The following PARG variants were observed in gnomAD, a reference collection of about 807,000 sequenced individuals.
PARG encodes the protein poly(ADP-ribose) glycohydrolase.
In PARG, 35 loss-of-function variants were observed where a neutral mutation model predicts 113.0. The observed-to-expected ratio is 0.31, with a 90% confidence interval of 0.24 to 0.41. The LOEUF is 0.41. Among genes scored for constraint, PARG ranks in the 10% least tolerant of loss-of-function variants. The pLI is 1.00. For synonymous variants in PARG, 330 were observed against 409.9 expected (o/e 0.81, Z 2.36); for missense variants, 797 against 1,169.4 (o/e 0.68, Z 4.64).
In PARG at chr10:49,941,779, C is replaced by T; in HGVS notation, c.-54G>A. ...GCCGGCCCGGGCGGAGAGCCTCATT[C>T]ACTAACCCTGAGAGAGATGGACTGC... On this transcript the variant is annotated 5_prime_UTR_variant, in exon 1 of 18. Coordinates refer to ENST00000616448, the MANE Select transcript of PARG (RefSeq NM_003631.5). 6.5e-7 allele frequency: 1 copy of T among 1,540,162 alleles called. No homozygotes were observed. The highest frequency in any genetic ancestry group is 8.7e-7 in the Non-Finnish European group (1 of 1,147,242).
intron 7 of PARG, among the ~76,000 whole-genome samples, chr10:49,893,991 C>A (rs1257097687): frequency 6.6e-6 from 1 of 152,066 alleles, no homozygotes; most frequent in Non-Finnish European, 1.5e-5. Context: ...AGCCACCATG[C>A]CCGGCCTAAT....
At chr10:49,937,411 G>A (rs1340138080) in intron 1 of PARG, among the ~76,000 whole-genome samples, 2 of 151,568 alleles carry the variant, frequency 1.3e-5, no homozygotes, top group African/African-American at 4.8e-5. Context: ...GGGAGGTGGA[G>A]CTTGCAGTGA....
intron 11 of PARG, among the ~76,000 whole-genome samples, chr10:49,864,447 C>T (rs1388180464): frequency 5.9e-5 from 9 of 151,578 alleles, no homozygotes; most frequent in Non-Finnish European, 1.2e-4. Context: ...CTCAAGTTAA[C>T]GTTTTTTTAA....
At chr10:49,903,660 C>T (rs1202436609) in intron 7 of PARG, among the ~76,000 whole-genome samples, 2 of 151,252 alleles carry the variant, frequency 1.3e-5, no homozygotes, top group Non-Finnish European at 2.9e-5. Flanking sequence ...GCTGAGAGGA[C>T]AAAAAAGGAT....
chr10:49,848,985 C>T lies in PARG; in HGVS notation c.2354-5353G>A, dbSNP rs564463857. Among the ~76,000 whole-genome samples the T allele has an allele frequency of 5.0e-3, 758 of 151,904 alleles. 12 individuals carry two copies. The highest frequency in any genetic ancestry group is 0.027 in the Middle Eastern group (8 of 294). The stretch of plus-strand genomic sequence containing the variant: ...CCGAGGTGGGCGGATCACCTGAGGT[C>T]GGGAGTTCGCGAGCAGCCTGACCAA... On this transcript the variant is annotated intron_variant, in intron 13 of 17. Transcript: ENST00000616448.
At chr10:49,862,928 C>A (rs1846324476) in intron 11 of PARG, among the ~76,000 whole-genome samples, 1 of 147,450 alleles carries the variant, frequency 6.8e-6, no homozygotes, top group Admixed American at 6.8e-5. Context: ...GAAGCATAAT[C>A]TAAAAATCTC....
chr10:49,907,636 A>G (rs539788570), intron 7 of PARG, among the ~76,000 whole-genome samples: 2 of 152,340 alleles, frequency 1.3e-5, no homozygotes, highest in Non-Finnish European at 2.9e-5. Flanking sequence ...TTACATGTAG[A>G]TAAGTGTTCA....
chr10:49,846,037 TG>T (rs1399864022), intron 13 of PARG, among the ~76,000 whole-genome samples: 1 of 151,410 alleles, frequency 6.6e-6, no homozygotes, highest in African/African-American at 2.4e-5. Flanking sequence ...CTAGCTAAGT[TG>T]ACATTAAAAA....
At position 49,903,072 on chromosome 10, in the gene PARG, G is replaced by C. The variant is rs561379450; in HGVS notation, c.1737+12845C>G. ...GATCTCTTGACCTCGTGATCTGCTTGCCTCAGCCTCCCGAAGTGCTGGGAT... is the reference window on the plus strand; with the variant it reads ...GATCTCTTGACCTCGTGATCTGCTTCCCTCAGCCTCCCGAAGTGCTGGGAT... On this transcript the variant is annotated intron_variant, in intron 7 of 17. Transcript: ENST00000616448. Among the ~76,000 whole-genome samples, 530 of 151,860 alleles carry C rather than the reference G, an allele frequency of 3.5e-3. 3 individuals carry two copies. Among genetic ancestry groups the C allele is most frequent in the African/African-American group, 0.012 (516 of 41,420 alleles).
intron 7 of PARG, among the ~76,000 whole-genome samples, chr10:49,903,133 A>T (rs1380242468): frequency 8.6e-5 from 13 of 151,838 alleles, no homozygotes; most frequent in Admixed American, 2.0e-4. Flanking sequence ...GGCCAAAAAA[A>T]ATTTTACTTA....
Position 49,819,502 on chromosome 10 carries a change from G to A in PARG, c.2777-8C>T. 1 of 1,548,890 alleles carries A rather than the reference G, an allele frequency of 6.5e-7. No homozygotes were observed. Among genetic ancestry groups the A allele is most frequent in the Non-Finnish European group, 8.7e-7 (1 of 1,144,620 alleles). ...ACAGCTTATACACATCTCCTGGAGAGCAAAAGGTCAGACCAGAGGCACATT... is the reference window on the plus strand; with the variant it reads ...ACAGCTTATACACATCTCCTGGAGAACAAAAGGTCAGACCAGAGGCACATT... On this transcript the variant is annotated splice_polypyrimidine_tract_variant and splice_region_variant and intron_variant, in intron 17 of 17. Coordinates refer to ENST00000616448, the MANE Select transcript of PARG (RefSeq NM_003631.5).
At chr10:49,878,442 AC>A (rs1486274177) in intron 9 of PARG, among the ~76,000 whole-genome samples, 1 of 149,974 alleles carries the variant, frequency 6.7e-6, no homozygotes, top group Admixed American at 6.7e-5. Flanking sequence ...ACATGGTGAA[AC>A]CCCGTCTCTA....
At chr10:49,881,544 A>G (rs1191748481) in intron 8 of PARG, among the ~76,000 whole-genome samples, 2 of 151,994 alleles carry the variant, frequency 1.3e-5, no homozygotes. Flanking sequence ...AGGTAACTGC[A>G]CTCATCTCAA....
At chr10:49,895,877 AT>A (rs1333782633) in intron 7 of PARG, among the ~76,000 whole-genome samples, 3 of 152,130 alleles carry the variant, frequency 2.0e-5, no homozygotes, top group Non-Finnish European at 4.4e-5. Flanking sequence ...TTTTAAAGCT[AT>A]TTTTAATGAA....
Position 49,820,149 on chromosome 10 carries a change from A to C in PARG, c.2776+16T>G. 1 of 1,516,188 alleles carries C rather than the reference A, an allele frequency of 6.6e-7. No individual in the cohort carries two copies. The highest frequency in any genetic ancestry group is 9.0e-7 in the Non-Finnish European group (1 of 1,115,312). The allele number at this position is 1,516,188 out of a possible 1,614,324, so 93.9% of individuals were successfully genotyped here. A position where few individuals can be genotyped will look rare whatever the true frequency, so the allele number is the denominator to read the frequency against. On this transcript the variant is annotated intron_variant, in intron 17 of 17. Transcript: ENST00000616448. Reference sequence around the variant, plus strand: ...ATCCATCTAGATACCAAGTGTCAAGAGTATCTCCTACTTACCAACAGTGAG... The same window carrying C: ...ATCCATCTAGATACCAAGTGTCAAGCGTATCTCCTACTTACCAACAGTGAG...
intron 10 of PARG, chr10:49,867,027 C>G (rs1389129602): frequency 1.3e-5 from 2 of 151,944 alleles, no homozygotes; most frequent in African/African-American, 4.8e-5. Flanking sequence ...TTTCACGTTA[C>G]ATTTCCGAAA....
intron 6 of PARG, among the ~76,000 whole-genome samples, chr10:49,920,463 A>AAAAATATATAT (rs1431747248): frequency 2.1e-5 from 1 of 47,986 alleles, no homozygotes; most frequent in African/African-American, 5.0e-5. Context: ...AAAAAAAAAA[A>AAAAATATATAT]ATATATATAT....
In PARG at chr10:49,915,371, GGTACT is replaced by G. The variant is rs1554847316; in HGVS notation, c.1737+541_1737+545del. ...AAATGAAAAGACTCTCTCTGCTAAT[GGTACT>G]ATGAAAGTGATATTCTTATCCACTA... On this transcript the variant is annotated intron_variant, in intron 7 of 17. Coordinates refer to ENST00000616448, the MANE Select transcript of PARG (RefSeq NM_003631.5). Among the ~76,000 whole-genome samples, 6 of 152,170 alleles carry G rather than the reference GGTACT, an allele frequency of 3.9e-5. No homozygotes were observed. The East Asian group carries it at 1.2e-3, about 29-fold the overall frequency.
chr10:49,884,542 G>A (rs1270306905), intron 8 of PARG, among the ~76,000 whole-genome samples: 3 of 152,206 alleles, frequency 2.0e-5, no homozygotes, highest in Admixed American at 6.5e-5. Flanking sequence ...GAGGTTGCAG[G>A]GAGCTGGGAT....
Sources: allele counts gnomAD v4.1 joint callset (sites outside exome capture counted in the v4.1 genomes callset), GRCh38; gene constraint gnomAD v4.1.1; transcripts MANE v1.5; gene names NCBI Gene and HGNC (gene_info 2026-07-23, HGNC 2026-07-21).